The following NOS1 variants were observed in gnomAD, a reference collection of about 807,000 sequenced individuals.
NOS1 encodes the protein nitric oxide synthase 1, also known as NOS type I.
Under a neutral mutation model 164.5 loss-of-function variants are expected in NOS1, and 51 were observed. The ratio of observed to expected loss-of-function variants is 0.31; its 90% CI spans 0.25 to 0.39. NOS1 has a LOEUF of 0.39. Ranked by LOEUF, NOS1 falls within the 10% of genes least tolerant of loss-of-function variation. NOS1 has a pLI of 1.00. For synonymous variants in NOS1, 719 were observed against 745.8 expected, an observed-to-expected ratio of 0.96 and a Z score of 0.59; for missense variants, 1,362 against 1,885.6, an observed-to-expected ratio of 0.72 and a Z score of 5.14.
rs199861794 is a variant in NOS1 at position 117,238,432 on chromosome 12, AC to A, written c.3042-3675del. The stretch of plus-strand genomic sequence containing the variant: ...CTGCCTCCTCACCAGGCATCTATAA[AC>A]CCCCCTGCATTTCACCGTGGATCTG... On this transcript the variant is annotated intron_variant, in intron 20 of 28. Coordinates refer to ENST00000317775, the MANE Select transcript of NOS1 (RefSeq NM_000620.5). Among the ~76,000 whole-genome samples, 359 of 150,984 alleles carry A rather than the reference AC, an allele frequency of 2.4e-3. 11 individuals carry two copies. In the East Asian group the frequency reaches 0.059, roughly 25 times the overall value.
chr12:117,328,924 T>C (rs1875394998), intron 2 of NOS1, among the ~76,000 whole-genome samples: 1 of 152,252 alleles, frequency 6.6e-6, no homozygotes. Context: ...TGTAGCCTAA[T>C]GCCTCCAGGC....
chr12:117,268,178 G>A (rs1872555985), intron 10 of NOS1, 34 bp from the exon 11 acceptor site: 1 of 1,423,694 alleles, frequency 7.0e-7, no homozygotes. Flanking sequence ...TATACAGGCT[G>A]GGGTATCTCT....
At chr12:117,260,351 C>A in intron 14 of NOS1, 114 bp downstream of exon 14, 1 of 1,137,084 alleles carries the variant, frequency 8.8e-7, no homozygotes, top group Non-Finnish European at 1.3e-6. Context: ...TAGGCCCTGT[C>A]AGGTGTGCTT....
At position 117,330,950 on chromosome 12, in the gene NOS1, G is replaced by C. The variant is rs376394505; in HGVS notation, c.120C>G (p.Pro40=). 1.9e-6 allele frequency: 3 copies of C among 1,614,150 alleles called. No homozygotes were observed. The highest frequency in any genetic ancestry group is 1.6e-4 in the Middle Eastern group (1 of 6,062). ...CACGAATCAGGTCAGAGATGATCACGGGCGGCTTACTGACCCGCTCCTTCA... is the reference window on the plus strand; with the variant it reads ...CACGAATCAGGTCAGAGATGATCACCGGCGGCTTACTGACCCGCTCCTTCA... ...FLVKERVSKP[P]VIISDLIRGG... Residue 40 remains proline (P), a synonymous_variant, in exon 2 of 29, where the codon CCC becomes CCG. Transcript: ENST00000317775. The surrounding 1 kb of genome is among the most constrained non-coding windows in gnomAD (Gnocchi z 4.6).
chr12:117,208,682 T>C lies in NOS1; in HGVS notation c.*6627A>G. ...ATCAGAACCAACACCAAGGACACAG[T>C]GTCTTATTGAAACAGACTGCCATCC... On this transcript the variant is annotated 3_prime_UTR_variant, in exon 29 of 29. Coordinates refer to ENST00000317775, the MANE Select transcript of NOS1 (RefSeq NM_000620.5). 1 of 1,065,526 alleles carries C rather than the reference T, an allele frequency of 9.4e-7. No homozygotes were observed. Among genetic ancestry groups the C allele is most frequent in the African/African-American group, 1.7e-5 (1 of 58,762 alleles). 66.0% of individuals were successfully genotyped at this position (1,065,526 alleles called of 1,614,324 possible).
At chr12:117,314,038 C>T (rs113321561) in intron 2 of NOS1, among the ~76,000 whole-genome samples, 7 of 152,314 alleles carry the variant, frequency 4.6e-5, no homozygotes, top group African/African-American at 1.7e-4. Flanking sequence ...ACAGTCCAAG[C>T]TCTGAGAGCA....
chr12:117,253,601 C>T (rs1235810130), intron 17 of NOS1, 37 bp downstream of exon 17: 2 of 1,458,376 alleles, frequency 1.4e-6, no homozygotes, highest in South Asian at 2.3e-5. Flanking sequence ...GAGCCTTAGT[C>T]TTCCCTGACC....
intron 3 of NOS1, among the ~76,000 whole-genome samples, chr12:117,307,307 A>G (rs1874201218): frequency 6.6e-6 from 1 of 152,204 alleles, no homozygotes; most frequent in African/African-American, 2.4e-5. Context: ...TGCATATTTA[A>G]AAAGAAAGAC....
At chr12:117,343,416 T>A (rs895168649) in intron 1 of NOS1, among the ~76,000 whole-genome samples, 6 of 152,228 alleles carry the variant, frequency 3.9e-5, no homozygotes, top group African/African-American at 1.4e-4. Context: ...CCTAATAACG[T>A]CATTTCCATA....
chr12:117,299,236 T>C (rs1450946134), intron 3 of NOS1, among the ~76,000 whole-genome samples: 1 of 152,266 alleles, frequency 6.6e-6, no homozygotes, highest in African/African-American at 2.4e-5. Flanking sequence ...AAAATTGCTA[T>C]GTATAGAACT....
rs1403865110 is a variant in NOS1 at position 117,326,401 on chromosome 12, AC to A, written c.725+3943del. On this transcript the variant is annotated intron_variant, in intron 2 of 28. Transcript: ENST00000317775. ...ACTCTGTCTCAAAAAAAAAAAAAAA[AC>A]AAAAAAACAAAAACAAAAACAAAAA... Among the ~76,000 whole-genome samples, 4 of 13,016 alleles carry A rather than the reference AC, an allele frequency of 3.1e-4. No homozygotes were observed. In the East Asian group the frequency reaches 4.7e-3, roughly 15 times the overall value. 8.5% of individuals were successfully genotyped at this position (13,016 alleles called of 152,430 possible).
intron 11 of NOS1, among the ~76,000 whole-genome samples, chr12:117,266,585 T>C (rs1348896601): frequency 2.0e-5 from 3 of 151,786 alleles, no homozygotes; most frequent in Admixed American, 6.6e-5. Context: ...TCGCCCAGAC[T>C]GGAGTGCAGT....
At chr12:117,353,562 T>C (rs1876728881) in intron 1 of NOS1, among the ~76,000 whole-genome samples, 1 of 152,150 alleles carries the variant, frequency 6.6e-6, no homozygotes, top group South Asian at 2.1e-4. Context: ...ACAATGACAA[T>C]TCAAGTCATA....
At chr12:117,319,766 G>A (rs61938731) in intron 2 of NOS1, among the ~76,000 whole-genome samples, 212 of 152,336 alleles carry the variant, frequency 1.4e-3, no homozygotes, top group Admixed American at 3.0e-3. Flanking sequence ...CTAAAAGGAT[G>A]TTTTGAGTTC....
intron 3 of NOS1, among the ~76,000 whole-genome samples, chr12:117,308,418 A>G (rs1874260276): frequency 6.6e-6 from 1 of 152,060 alleles, no homozygotes; most frequent in Non-Finnish European, 1.5e-5. Flanking sequence ...CTGCAGTGGG[A>G]GGATCTCTTA....
chr12:117,360,435 C>T (rs1877080781), intron 1 of NOS1, among the ~76,000 whole-genome samples: 1 of 152,250 alleles, frequency 6.6e-6, no homozygotes. Context: ...ACTGCCCAGC[C>T]CCGAACCGTG....
At chr12:117,237,845 C>T (rs1242103899) in intron 20 of NOS1, among the ~76,000 whole-genome samples, 2 of 152,112 alleles carry the variant, frequency 1.3e-5, no homozygotes, top group Non-Finnish European at 2.9e-5. Context: ...GCCCTATTCT[C>T]ATTGAGAAGT....
At chr12:117,255,317 C>T (rs1355579889) in intron 16 of NOS1, among the ~76,000 whole-genome samples, 2 of 151,882 alleles carry the variant, frequency 1.3e-5, no homozygotes, top group South Asian at 2.1e-4. Flanking sequence ...AAACAAGCAA[C>T]CAAAACTCCA....
intron 13 of NOS1, 52 bp from the exon 14 acceptor site, chr12:117,260,661 A>T: frequency 6.3e-7 from 1 of 1,585,122 alleles, no homozygotes; most frequent in Middle Eastern, 1.7e-4. Flanking sequence ...AGGGGAGAGA[A>T]GATGCTGGAT....
Sources: gnomAD v4.1 joint callset for allele counts (sites outside exome capture counted in the v4.1 genomes callset) on GRCh38, gnomAD v4.1.1 for gene constraint, Gnocchi (gnomAD v3.1) non-coding constraint, MANE v1.5 for transcripts, NCBI Gene and HGNC (gene_info 2026-07-23, HGNC 2026-07-21) for gene names.